Variants in RECQL4 observed in about 807,000 individuals in gnomAD.
The protein encoded by RECQL4 is ATP-dependent DNA helicase Q4.
In RECQL4, 158 loss-of-function variants were observed where a neutral mutation model predicts 128.6. The observed-to-expected ratio is 1.23, with a 90% CI of 1.08 to 1.40. The LOEUF (loss-of-function observed/expected upper bound fraction) is 1.40, where lower values mean the gene tolerates loss of function less well. Among genes scored for constraint, RECQL4 ranks in the 40% most tolerant of loss-of-function variants. RECQL4 has a pLI of 0.00. For missense variants in RECQL4, 2,293 were observed against 1,649.8 expected (o/e 1.39, Z -6.75); for synonymous variants, 996 against 678.9 (o/e 1.47, Z -7.26).
chr8:144,512,726 C>T lies in RECQL4; in HGVS notation c.2801G>A (p.Trp934Ter), dbSNP rs1827483861. 6.2e-7 allele frequency: 1 copy of T among 1,612,346 alleles called. No homozygotes were observed. Among genetic ancestry groups the T allele is most frequent in the Non-Finnish European group, 8.5e-7 (1 of 1,179,822 alleles). ...ATAGGTGGTCGCCAGCAGCTCCAGC[C>T]AGTGGTGTGGGTGCAGCTCCAGGTA... ...LCYLELHPHH[W>*]LELLATTYTH... The change falls in exon 16 of 21, where the codon TGG becomes TAG. Residue 934 changes from tryptophan to a stop codon, truncating the protein, a stop_gained. Coordinates refer to ENST00000617875, the MANE Select transcript of RECQL4 (RefSeq NM_004260.4). LOFTEE classifies it high-confidence loss of function.
rs1032278414 is a variant in RECQL4, at chr8:144,515,649, C to T, written c.1258+115G>A. 5.4e-6 allele frequency: 8 copies of T among 1,473,912 alleles called. No homozygotes were observed. In the African/African-American group the frequency reaches 1.1e-4, roughly 20 times the overall value. The allele number at this position is 1,473,912 out of a possible 1,614,324, so 91.3% of individuals were successfully genotyped here. On this transcript the variant is annotated intron_variant, in intron 6 of 20. Transcript: ENST00000617875. ...CTCCTTCAGGGGAGCTAGGGTAGGG[C>T]CTGGACCAGGGGTACCTGGAAGGCC...
intron 8 of RECQL4, 28 bp downstream of exon 8, chr8:144,515,111 TGGCCTCAGCCC>T: frequency 6.3e-7 from 1 of 1,582,462 alleles, no homozygotes; most frequent in Non-Finnish European, 8.6e-7. Flanking sequence ...TTCTGCAGCC[TGGCCTCAGCCC>T]AGCCTCAGCC....
At position 144,517,725 on chromosome 8, in the gene RECQL4, C is replaced by G; in HGVS notation, c.60G>C (p.Arg20=). 1 of 1,354,248 alleles carries G rather than the reference C, an allele frequency of 7.4e-7. No individual in the cohort carries two copies. The allele number at this position is 1,354,248 out of a possible 1,614,324, so 83.9% of individuals were successfully genotyped here. ...CCTGGCTCGGTCGCCGCCCGCGCTG[C>G]CGTCGGAACGCGCGCTCCCACGCCT... The part of the protein sequence containing the change: ...RLQAWERAFR[R]QRGRRPSQDD... Residue 20 remains arginine (R), a synonymous_variant, in exon 1 of 21, where the codon CGG becomes CGC. Transcript: ENST00000617875.
intron 4 of RECQL4, 98 bp downstream of exon 4, chr8:144,516,952 G>C (rs914690072): frequency 9.4e-6 from 14 of 1,495,444 alleles, no homozygotes; most frequent in Non-Finnish European, 1.3e-5. Context: ...TTGGCACAGG[G>C]GCCCGTGCCT....
rs767956471 is a variant in RECQL4 at position 144,511,473 on chromosome 8, C to T, written c.3585G>A (p.Leu1195=). Residue 1195 remains leucine (L), a synonymous_variant, in exon 21 of 21, where the codon CTG becomes CTA. Coordinates refer to ENST00000617875, the MANE Select transcript of RECQL4 (RefSeq NM_004260.4). ...GGAGCTCTTCCGTGGCCAGGCCCACCAGGGCATGGAAGCTCAGGTGCAGGT... is the reference window on the plus strand; with the variant it reads ...GGAGCTCTTCCGTGGCCAGGCCCACTAGGGCATGGAAGCTCAGGTGCAGGT... ...RKYLHLSFHA[L]VGLATEELLQ... is the part of the protein sequence containing the mutation. The T allele has an allele frequency of 3.1e-6, 5 of 1,612,582 alleles. No individual in the cohort carries two copies. The highest frequency in any genetic ancestry group is 1.7e-5 in the Admixed American group (1 of 60,030).
In RECQL4 at chr8:144,517,155, A is replaced by C. The variant is rs779765274; in HGVS notation, c.249T>G (p.Asn83Lys). 6.2e-7 allele frequency: 1 copy of C among 1,610,434 alleles called. No individual in the cohort carries two copies. Among genetic ancestry groups the C allele is most frequent in the Admixed American group, 1.7e-5 (1 of 59,756 alleles). Residue 83 changes from asparagine (N) to lysine (K), a missense_variant, in exon 4 of 21, where the codon AAT becomes AAG. By Grantham distance (94) the Asn-to-Lys change is moderately conservative. Transcript: ENST00000617875. ...ACTGTGGACTCTTGGTCGCAGCCCG[A>C]TTCAGATGGGGCCCCCAGCAGCGGG... ...PEPRCWGPHLNRAATKSPQST... is the reference protein window; with the variant it reads ...PEPRCWGPHLKRAATKSPQST...
rs774270003 is a variant in RECQL4 at position 144,516,480 on chromosome 8, G to A, written c.639C>T (p.Gly213=). Residue 213 remains glycine (G), a synonymous_variant, in exon 5 of 21, where the codon GGC becomes GGT. Transcript: ENST00000617875. ...GAPKACRPDL[G]SEESQLLIPG... ...GGATCAGAAGTTGTGATTCCTCTGAGCCTAGATCAGGCCTGCAGGCTTTGG... is the reference window on the plus strand; with the variant it reads ...GGATCAGAAGTTGTGATTCCTCTGAACCTAGATCAGGCCTGCAGGCTTTGG... The A allele has an allele frequency of 1.9e-6, 3 of 1,608,608 alleles. No individual in the cohort carries two copies. The highest frequency in any genetic ancestry group is 2.5e-6 in the Non-Finnish European group (3 of 1,179,706).
Position 144,516,773 on chromosome 8 carries a change from G to T in RECQL4, c.355-9C>A, listed in dbSNP as rs571686323. On this transcript the variant is annotated splice_polypyrimidine_tract_variant and intron_variant, in intron 4 of 20. Transcript: ENST00000617875. ...CCCAGGGCTGGTCCGGCCTGGGAGG[G>T]GAACAACAGAACAGCAGGAGGAACT... 1 of 1,517,484 alleles carries T rather than the reference G, an allele frequency of 6.6e-7. No homozygotes were observed. The highest frequency in any genetic ancestry group is 8.8e-7 in the Non-Finnish European group (1 of 1,136,950). 94.0% of individuals were successfully genotyped at this position (1,517,484 alleles called of 1,614,324 possible). A position where few individuals can be genotyped will look rare whatever the true frequency, so the allele number is the denominator to read the frequency against.
In RECQL4 at chr8:144,512,602, A is replaced by G. The variant is rs973332338; in HGVS notation, c.2885+40T>C. On this transcript the variant is annotated intron_variant, in intron 16 of 20. Transcript: ENST00000617875. ...AAGGGACATGTGGCCAACAGCCCTG[A>G]TTCTCCAACCTCGTCTCCAACTGGG... 1.1e-5 allele frequency: 18 copies of G among 1,611,826 alleles called. No homozygotes were observed. In the Admixed American group the frequency reaches 3.0e-4, roughly 27 times the overall value.
Position 144,512,212 on chromosome 8 carries a change from A to T in RECQL4, c.3168T>A (p.Tyr1056Ter). 1 of 1,612,276 alleles carries T rather than the reference A, an allele frequency of 6.2e-7. No homozygotes were observed. Among genetic ancestry groups the T allele is most frequent in the Non-Finnish European group, 8.5e-7 (1 of 1,179,712 alleles). Residue 1056 changes from tyrosine to a stop codon, truncating the protein, a stop_gained, in exon 18 of 21, where the codon TAT becomes TAA. Transcript: ENST00000617875. LOFTEE classifies it high-confidence loss of function. Reference sequence around the variant, plus strand: ...GGCGCTCCCGGGCCTGCACACGGCCATAGAGGAAGTCACATATCTGGTCCT... The same window carrying T: ...GGCGCTCCCGGGCCTGCACACGGCCTTAGAGGAAGTCACATATCTGGTCCT... Reference protein sequence around the residue: ...EEKDQICDFLYGRVQARERQA... With the variant: ...EEKDQICDFL
rs1368388528 is a variant in RECQL4, at chr8:144,514,054, G to A, written c.1932C>T (p.Ala644=). 4.4e-6 allele frequency: 7 copies of A among 1,584,114 alleles called. No individual in the cohort carries two copies. Among genetic ancestry groups the A allele is most frequent in the Non-Finnish European group, 5.1e-6 (6 of 1,166,414 alleles). ...CCACGTCACTGGCAGTGCGGCGTGTGGCTGTGGCTGTGAGGCCCAGGAAGC... is the reference window on the plus strand; with the variant it reads ...CCACGTCACTGGCAGTGCGGCGTGTAGCTGTGGCTGTGAGGCCCAGGAAGC... ...VHCFLGLTAT[A]TRRTASDVAQ... Residue 644 remains alanine, a synonymous_variant, in exon 12 of 21, where the codon GCC becomes GCT. Coordinates refer to ENST00000617875, the MANE Select transcript of RECQL4 (RefSeq NM_004260.4).
chr8:144,516,108 G>C lies in RECQL4; in HGVS notation c.1011C>G (p.Ala337=). 2 of 1,612,906 alleles carry C rather than the reference G, an allele frequency of 1.2e-6. No homozygotes were observed. Among genetic ancestry groups the C allele is most frequent in the Non-Finnish European group, 1.7e-6 (2 of 1,179,872 alleles). Residue 337 remains alanine, a synonymous_variant, in exon 5 of 21, where the codon GCC becomes GCG. Transcript: ENST00000617875. Reference sequence around the variant, plus strand: ...CCAGCCGAGGGAAGATGTGCAGGGGGGCTGTGCCCTCAGCCTTCCCAGCCC... The same window carrying C: ...CCAGCCGAGGGAAGATGTGCAGGGGCGCTGTGCCCTCAGCCTTCCCAGCCC... ...QARAGKAEGT[A]PLHIFPRLAR...
chr8:144,513,791 C>CGGGGGCG, intron 12 of RECQL4, 79 bp from the exon 13 acceptor site: 1 of 417,878 alleles, frequency 2.4e-6, no homozygotes. Flanking sequence ...GAGGGGTCGG[C>CGGGGGCG]GTGGGGAGTG....
rs1459837930 is a variant in RECQL4 at position 144,512,765 on chromosome 8, T to C, written c.2762A>G (p.Glu921Gly). ...CAGCTCCAGGTAGCACAGCAAAGTC[T>C]CGATGGCTGGGGGCAGAGCAGGGCT... is the stretch of plus-strand genomic sequence containing the variant. ...QALDMPEEAI[E>G]TLLCYLELHP... is the part of the protein sequence containing the mutation. The change falls in exon 16 of 21, where the codon GAG becomes GGG. Residue 921 changes from glutamate (E) to glycine (G), a missense_variant. By Grantham distance (98) the Glu-to-Gly change is moderately conservative. Coordinates refer to ENST00000617875, the MANE Select transcript of RECQL4 (RefSeq NM_004260.4). 6.2e-7 allele frequency: 1 copy of C among 1,611,820 alleles called. No individual in the cohort carries two copies. The highest frequency in any genetic ancestry group is 1.3e-5 in the African/African-American group (1 of 75,050).
At position 144,513,832 on chromosome 8, in the gene RECQL4, A is replaced by AG. The variant is rs1564797217; in HGVS notation, c.2058+95dup. 11,717 of 1,326,362 alleles carry AG rather than the reference A, an allele frequency of 8.8e-3. 4,654 individuals are homozygous for AG. Among genetic ancestry groups the AG allele is most frequent in the South Asian group, 0.01 (709 of 69,906 alleles). 82.2% of individuals were successfully genotyped at this position (1,326,362 alleles called of 1,614,324 possible). On this transcript the variant is annotated intron_variant, in intron 12 of 20. Coordinates refer to ENST00000617875, the MANE Select transcript of RECQL4 (RefSeq NM_004260.4). Reference sequence around the variant, plus strand: ...GGGTCGGCGTGGGCGGTGGGGAGTGAGAAGGGGTCGGCGTGGGCGGTGGGG... The same window carrying AG: ...GGGTCGGCGTGGGCGGTGGGGAGTGAGGAAGGGGTCGGCGTGGGCGGTGGGG...
Position 144,517,151 on chromosome 8 carries a change from C to T in RECQL4, c.253G>A (p.Ala85Thr). The T allele has an allele frequency of 6.2e-7, 1 of 1,610,692 alleles. No individual in the cohort carries two copies. The highest frequency in any genetic ancestry group is 2.2e-5 in the East Asian group (1 of 44,844). Residue 85 changes from alanine to threonine, a missense_variant, in exon 4 of 21, where the codon GCT becomes ACT. By Grantham distance (58) the Ala-to-Thr change is moderately conservative. Transcript: ENST00000617875. ...PRCWGPHLNRAATKSPQSTPG... is the reference protein window; with the variant it reads ...PRCWGPHLNRTATKSPQSTPG... ...GTAGACTGTGGACTCTTGGTCGCAG[C>T]CCGATTCAGATGGGGCCCCCAGCAG...
chr8:144,514,944 C>T lies in RECQL4; in HGVS notation c.1612G>A (p.Asp538Asn). 1.2e-6 allele frequency: 2 copies of T among 1,611,428 alleles called. No individual in the cohort carries two copies. The highest frequency in any genetic ancestry group is 1.7e-6 in the Non-Finnish European group (2 of 1,179,502). The change falls in exon 9 of 21, where the codon GAT becomes AAT. Residue 538 changes from aspartate to asparagine, a missense_variant. Transcript: ENST00000617875. ...GGGCCCTGTGTGCACACCTGGTCAT[C>T]CATGAGTGACAGCAGGGGAGAGACG... ...LVVSPLLSLM[D>N]DQVSGLPPCL...
In RECQL4 at chr8:144,512,410, C is replaced by A; in HGVS notation, c.3037G>T (p.Asp1013Tyr). Residue 1013 changes from aspartate (D) to tyrosine (Y), a missense_variant, in exon 17 of 21, where the codon GAC becomes TAC. Coordinates refer to ENST00000617875, the MANE Select transcript of RECQL4 (RefSeq NM_004260.4). ...VRRALCQLQWDHEPRTGVRRG... is the reference protein window; with the variant it reads ...VRRALCQLQWYHEPRTGVRRG... ...GGCGCACCTGTCCTGGGCTCGTGGT[C>A]CCACTGCAGCTGGCAGAGAGCCCGC... 3 of 1,607,290 alleles carry A rather than the reference C, an allele frequency of 1.9e-6. No homozygotes were observed. Among genetic ancestry groups the A allele is most frequent in the Non-Finnish European group, 2.6e-6 (3 of 1,176,222 alleles).
chr8:144,512,421 TG>T lies in RECQL4; in HGVS notation c.3025del (p.Gln1009SerfsTer35), dbSNP rs1165502618. ...CCTGGGCTCGTGGTCCCACTGCAGC[TG>T]GCAGAGAGCCCGCCGCACAGAGGCC... ...ELASVRRALC[Q>X]LQWDHEPRTG... On this transcript the variant is annotated frameshift_variant, in exon 17 of 21. Coordinates refer to ENST00000617875, the MANE Select transcript of RECQL4 (RefSeq NM_004260.4). LOFTEE classifies it high-confidence loss of function. 1 of 1,608,222 alleles carries T rather than the reference TG, an allele frequency of 6.2e-7. No homozygotes were observed. The highest frequency in any genetic ancestry group is 1.7e-5 in the Admixed American group (1 of 59,886).
Sources: allele counts gnomAD v4.1 joint callset, GRCh38; gene constraint gnomAD v4.1.1; transcripts MANE v1.5; gene names NCBI Gene and HGNC (gene_info 2026-07-23, HGNC 2026-07-21).